The following SRSF2 variants were observed in gnomAD, a reference collection of about 807,000 sequenced individuals.
SRSF2 encodes the protein serine/arginine-rich splicing factor 2.
SRSF2 carries 4 observed loss-of-function variants against 15.7 expected under a neutral mutation model. The ratio of observed to expected loss-of-function variants is 0.26; its 90% CI spans 0.13 to 0.58. The LOEUF is 0.58. SRSF2 is among the 20% of genes least tolerant of loss of function. The pLI is 0.90. For synonymous variants in SRSF2, 192 were observed against 138.9 expected (o/e 1.38, Z -2.69); for missense variants, 147 against 332.4 (o/e 0.44, Z 4.34).
In SRSF2 at chr17:76,737,065, G is replaced by A. The variant is rs372496093; in HGVS notation, c.96C>T (p.Arg32=). The A allele has an allele frequency of 2.7e-5, 44 of 1,613,162 alleles. No homozygotes were observed. In the African/African-American group the frequency reaches 4.4e-4, roughly 16 times the overall value. The change falls in exon 1 of 3, where the codon CGC becomes CGT. Residue 32 remains arginine (R), a synonymous_variant. Transcript: ENST00000359995. ...CGACGCGCCCGTACTTCTCGAAGAC[G>A]CGCCTCAGCGTGTCGGGCGAGGTGC... is the stretch of plus-strand genomic sequence containing the variant. ...TYRTSPDTLR[R]VFEKYGRVGD...
chr17:76,737,254 G>C lies in SRSF2; in HGVS notation c.-94C>G, dbSNP rs1004653292. 9.7e-6 allele frequency: 14 copies of C among 1,437,822 alleles called. No individual in the cohort carries two copies. The East Asian group carries it at 1.5e-4, about 15-fold the overall frequency. 89.1% of individuals were successfully genotyped at this position (1,437,822 alleles called of 1,614,324 possible). ...CGCGCCTCTCAGGCAGTTGCCTTCCGCGTGGGGACACTGGGAAAGGCCTTG... is the reference window on the plus strand; with the variant it reads ...CGCGCCTCTCAGGCAGTTGCCTTCCCCGTGGGGACACTGGGAAAGGCCTTG... On this transcript the variant is annotated 5_prime_UTR_variant, in exon 1 of 3. Transcript: ENST00000359995.
rs1473094424 is a variant in SRSF2, at chr17:76,737,205, C to G, written c.-45G>C. On this transcript the variant is annotated 5_prime_UTR_variant, in exon 1 of 3. Coordinates refer to ENST00000359995, the MANE Select transcript of SRSF2 (RefSeq NM_001195427.2). ...GAGCCCCGCGAACTGGCGCCGGCTTCCTCAGCTCTGGGCGGTGCGACGCCG... is the reference window on the plus strand; with the variant it reads ...GAGCCCCGCGAACTGGCGCCGGCTTGCTCAGCTCTGGGCGGTGCGACGCCG... The G allele has an allele frequency of 6.6e-7, 1 of 1,504,170 alleles. No homozygotes were observed. Among genetic ancestry groups the G allele is most frequent in the East Asian group, 2.4e-5 (1 of 40,938 alleles). 93.2% of individuals were successfully genotyped at this position (1,504,170 alleles called of 1,614,324 possible).
At chr17:76,735,341 T>C in intron 2 of SRSF2, 183 bp from the exon 3 acceptor site, 1 of 218,070 alleles carries the variant, frequency 4.6e-6, no homozygotes, top group African/African-American at 2.3e-5. Context: ...CATGTACAAG[T>C]TTGAATTTAC....
intron 1 of SRSF2, 133 bp from the exon 2 acceptor site, chr17:76,736,597 C>T (rs1480014067): frequency 3.4e-6 from 4 of 1,173,178 alleles, no homozygotes; most frequent in African/African-American, 1.6e-5. Flanking sequence ...CGGGGTCCTC[C>T]GCCCCGCGCC....
chr17:76,734,980 CAA>C lies in SRSF2; in HGVS notation c.*184_*185del. On this transcript the variant is annotated 3_prime_UTR_variant, in exon 3 of 3. Coordinates refer to ENST00000359995, the MANE Select transcript of SRSF2 (RefSeq NM_001195427.2). Reference sequence around the variant, plus strand: ...TTACAAGAAATTTGAATAACAGCAACAAAATGGCACATAAAATGAAGTTTGCC... The same window carrying C: ...TTACAAGAAATTTGAATAACAGCAACAATGGCACATAAAATGAAGTTTGCC... 4.5e-6 allele frequency: 1 copy of C among 224,434 alleles called. No individual in the cohort carries two copies. The highest frequency in any genetic ancestry group is 6.6e-5 in the East Asian group (1 of 15,082). The allele number at this position is 224,434 out of a possible 1,614,324, so 13.9% of individuals were successfully genotyped here.
intron 2 of SRSF2, chr17:76,735,585 G>C (rs1183667615): frequency 8.6e-6 from 2 of 233,594 alleles, no homozygotes; most frequent in African/African-American, 2.2e-5. Context: ...AAGAGTTAAA[G>C]ACACACTATC....
chr17:76,734,643 C>T lies in SRSF2; in HGVS notation c.*523G>A. The T allele has an allele frequency of 4.4e-6, 1 of 229,312 alleles. No homozygotes were observed. The highest frequency in any genetic ancestry group is 8.8e-6 in the Non-Finnish European group (1 of 113,692). The allele number at this position is 229,312 out of a possible 1,614,324, so 14.2% of individuals were successfully genotyped here. A position where few individuals can be genotyped will look rare whatever the true frequency, so the allele number is the denominator to read the frequency against. The stretch of plus-strand genomic sequence containing the variant: ...CTTTCAAAAAATCAAGTCTTTTCAC[C>T]TGAAAAGTCTTTATACAAATTTGGG... On this transcript the variant is annotated 3_prime_UTR_variant, in exon 3 of 3. Coordinates refer to ENST00000359995, the MANE Select transcript of SRSF2 (RefSeq NM_001195427.2).
rs1306917589 is a variant in SRSF2 at position 76,736,801 on chromosome 17, G to T, written c.360C>A (p.Arg120=). 1.3e-6 allele frequency: 2 copies of T among 1,560,268 alleles called. No individual in the cohort carries two copies. Among genetic ancestry groups the T allele is most frequent in the Non-Finnish European group, 8.6e-7 (1 of 1,157,288 alleles). Residue 120 remains arginine, a splice_region_variant and synonymous_variant, in exon 1 of 3, where the codon CGC becomes CGA. Transcript: ENST00000359995. The part of the protein sequence containing the change: ...YGGGGYGRRS[R]SPRRRRRSRS... ...GCGGTCCCCTCAGCCCCGTTTACCT[G>T]CGGCTCCGGCGTCCGTAGCCACCGC...
rs1454750141 is a variant in SRSF2 at position 76,736,258 on chromosome 17, C to T, written c.569G>A (p.Arg190Lys). The change falls in exon 2 of 3, where the codon AGG (arginine) becomes AAG (lysine). Residue 190 changes from arginine to lysine, a missense_variant. By Grantham distance (26) the Arg-to-Lys change is conservative. Around this residue, in one of 2 missense-constraint regions of SRSF2, gnomAD observed 125 missense variants for 185.1 expected, o/e 0.68. Transcript: ENST00000359995. Reference protein sequence around the residue: ...RSRSRSRSRSRSPPPVSKRES... With the variant: ...RSRSRSRSRSKSPPPVSKRES... Reference sequence around the variant, plus strand: ...CCTCTTGGACACTGGGGGAGGACTCCTGGACCGAGACCGGGACCTGGACCG... The same window carrying T: ...CCTCTTGGACACTGGGGGAGGACTCTTGGACCGAGACCGGGACCTGGACCG... The T allele has an allele frequency of 6.2e-7, 1 of 1,614,188 alleles. No individual in the cohort carries two copies. Among genetic ancestry groups the T allele is most frequent in the East Asian group, 2.2e-5 (1 of 44,874 alleles).
chr17:76,735,967 T>C, intron 2 of SRSF2, 187 bp downstream of exon 2: 6 of 634,366 alleles, frequency 9.5e-6, no homozygotes, highest in South Asian at 7.8e-5. Flanking sequence ...AAACAGCCAT[T>C]ATTATCTAAG....
At position 76,736,990 on chromosome 17, in the gene SRSF2, G is replaced by A. The variant is rs376379121; in HGVS notation, c.171C>T (p.Phe57=). 1.9e-6 allele frequency: 3 copies of A among 1,613,494 alleles called. No homozygotes were observed. Among genetic ancestry groups the A allele is most frequent in the South Asian group, 1.1e-5 (1 of 91,076 alleles). Residue 57 remains phenylalanine (F), a synonymous_variant, in exon 1 of 3, where the codon TTC becomes TTT. Transcript: ENST00000359995. The part of the protein sequence containing the change: ...RDRYTKESRG[F]AFVRFHDKRD... ...GCTTGTCGTGAAAGCGAACGAAGGCGAAGCCGCGGGACTCCTTGGTGTAGC... is the reference window on the plus strand; with the variant it reads ...GCTTGTCGTGAAAGCGAACGAAGGCAAAGCCGCGGGACTCCTTGGTGTAGC...
chr17:76,736,809 G>C lies in SRSF2; in HGVS notation c.352C>G (p.Arg118Gly). 6.3e-7 allele frequency: 1 copy of C among 1,576,390 alleles called. No homozygotes were observed. Among genetic ancestry groups the C allele is most frequent in the Non-Finnish European group, 8.6e-7 (1 of 1,163,916 alleles). ...CTCAGCCCCGTTTACCTGCGGCTCC[G>C]GCGTCCGTAGCCACCGCCCCCGTAC... ...RRYGGGGYGR[R>G]SRSPRRRRRS... The change falls in exon 1 of 3, where the codon CGG (arginine) becomes GGG (glycine). Residue 118 changes from arginine to glycine, a missense_variant. Coordinates refer to ENST00000359995, the MANE Select transcript of SRSF2 (RefSeq NM_001195427.2).
At chr17:76,736,716 G>T in intron 1 of SRSF2, 83 bp downstream of exon 1, 1 of 1,347,470 alleles carries the variant, frequency 7.4e-7, no homozygotes, top group Non-Finnish European at 9.5e-7. Flanking sequence ...CGCACCACGT[G>T]CTTCGCCGCG....
rs1255005307 is a variant in SRSF2, at chr17:76,736,817, T to C, written c.344A>G (p.Tyr115Cys). The change falls in exon 1 of 3, where the codon TAC (tyrosine) becomes TGC (cysteine). Residue 115 changes from tyrosine to cysteine, a missense_variant. By Grantham distance (194) the Tyr-to-Cys change is radical. Coordinates refer to ENST00000359995, the MANE Select transcript of SRSF2 (RefSeq NM_001195427.2). ...CGTTTACCTGCGGCTCCGGCGTCCGTAGCCACCGCCCCCGTACCTGCGGGG... is the reference window on the plus strand; with the variant it reads ...CGTTTACCTGCGGCTCCGGCGTCCGCAGCCACCGCCCCCGTACCTGCGGGG... The part of the protein sequence containing the change: ...PPPRRYGGGG[Y>C]GRRSRSPRRR... 2 of 1,588,650 alleles carry C rather than the reference T, an allele frequency of 1.3e-6. No individual in the cohort carries two copies. The highest frequency in any genetic ancestry group is 1.1e-5 in the South Asian group (1 of 89,628).
Position 76,737,321 on chromosome 17 carries a change from G to A in SRSF2, c.-161C>T, listed in dbSNP as rs3744061. The stretch of plus-strand genomic sequence containing the variant: ...ACGGGCTCCGCAGGCTAGCGCACCT[G>A]AGTAACAACTGGGCGGGCAGCCGGC... On this transcript the variant is annotated 5_prime_UTR_variant, in exon 1 of 3. Transcript: ENST00000359995. 0.52 allele frequency: 505,257 copies of A among 973,052 alleles called. 138,841 individuals carry two copies. The highest frequency in any genetic ancestry group is 0.57 in the Non-Finnish European group (391,293 of 689,074). The allele number at this position is 973,052 out of a possible 1,614,324, so 60.3% of individuals were successfully genotyped here.
rs951285534 is a variant in SRSF2, at chr17:76,736,188, A to C, written c.639T>G (p.Pro213=). ...AAGAGGACACCGCTCCTTCCTCTTC[A>C]GGAGACTTGGGGGGACTCTTCGATC... The part of the protein sequence containing the change: ...RSRSKSPPKS[P]EEEGAVSS The change falls in exon 2 of 3, where the codon CCT becomes CCG. Residue 213 remains proline, a synonymous_variant. Transcript: ENST00000359995. The C allele has an allele frequency of 3.7e-6, 6 of 1,612,938 alleles. No homozygotes were observed. In the African/African-American group the frequency reaches 8.0e-5, roughly 22 times the overall value.
intron 1 of SRSF2, 98 bp downstream of exon 1, chr17:76,736,701 G>A: frequency 2.3e-6 from 3 of 1,312,894 alleles, no homozygotes; most frequent in South Asian, 1.9e-5. Flanking sequence ...CGCCCCGTCC[G>A]GGCCCGCACC....
In SRSF2 at chr17:76,736,468, C is replaced by T. The variant is rs1490063142; in HGVS notation, c.363-4G>A. 7 of 1,608,244 alleles carry T rather than the reference C, an allele frequency of 4.4e-6. No individual in the cohort carries two copies. Among genetic ancestry groups the T allele is most frequent in the Non-Finnish European group, 5.9e-6 (7 of 1,179,012 alleles). On this transcript the variant is annotated splice_polypyrimidine_tract_variant and splice_region_variant and intron_variant, in intron 1 of 2. Coordinates refer to ENST00000359995, the MANE Select transcript of SRSF2 (RefSeq NM_001195427.2). The stretch of plus-strand genomic sequence containing the variant: ...GCTGCGGCGACGCCGCCTAGGGCTG[C>T]GGGCGGGACGAGCAAGCACAGCGGG...
chr17:76,736,589 G>C, intron 1 of SRSF2, 125 bp from the exon 2 acceptor site: 2 of 1,243,104 alleles, frequency 1.6e-6, no homozygotes, highest in Non-Finnish European at 2.1e-6. Flanking sequence ...TCGCGAGGCG[G>C]GGTCCTCCGC....
Sources: allele counts gnomAD v4.1 joint callset, GRCh38; gene constraint gnomAD v4.1.1; regional missense constraint gnomAD v4.1.1; transcripts MANE v1.5; gene names NCBI Gene and HGNC (gene_info 2026-07-23, HGNC 2026-07-21).